Variants in MDN1 observed in about 807,000 individuals in gnomAD.
MDN1 encodes the protein midasin AAA ATPase 1.
In MDN1, 266 loss-of-function variants were observed where a neutral mutation model predicts 669.2. The ratio of observed to expected loss-of-function variants is 0.40; its 90% CI spans 0.36 to 0.44. The LOEUF is 0.44. MDN1 is among the 20% of genes least tolerant of loss of function. The pLI, the probability that MDN1 is intolerant of heterozygous loss-of-function variation, is 1.00. For missense variants in MDN1, 5,940 were observed against 6,754.0 expected (o/e 0.88, Z 4.22); for synonymous variants, 2,385 against 2,457.1 (o/e 0.97, Z 0.87).
In MDN1 at chr6:89,695,211, G is replaced by A. The variant is rs183016289; in HGVS notation, c.9771+394C>T. On this transcript the variant is annotated intron_variant, in intron 61 of 101. Transcript: ENST00000369393. This position sits in a 1 kb window ranked among gnomAD's most constrained non-coding sequence, Gnocchi z 4.1. ...TGTGCCACTGCACTCCTGCCTGGACGAGAAAGCAAGGCTCCATCTCAAAAA... is the reference window on the plus strand; with the variant it reads ...TGTGCCACTGCACTCCTGCCTGGACAAGAAAGCAAGGCTCCATCTCAAAAA... Among the ~76,000 whole-genome samples the A allele has an allele frequency of 3.8e-3, 576 of 152,268 alleles. 4 individuals are homozygous for A. Among genetic ancestry groups the A allele is most frequent in the Non-Finnish European group, 6.1e-3 (414 of 68,022 alleles).
At chr6:89,800,753 T>G (rs1262873257) in intron 2 of MDN1, among the ~76,000 whole-genome samples, 4 of 152,078 alleles carry the variant, frequency 2.6e-5, no homozygotes, top group Non-Finnish European at 4.4e-5. Flanking sequence ...AACCTAGACT[T>G]GAGATTGGTG....
intron 83 of MDN1, among the ~76,000 whole-genome samples, chr6:89,668,783 G>A (rs1304465115): frequency 2.0e-5 from 3 of 152,146 alleles, no homozygotes; most frequent in Admixed American, 6.5e-5. Flanking sequence ...AGCTTCCTGC[G>A]GATCAAGAGC....
chr6:89,649,913 A>G (rs1051393584), intron 97 of MDN1, 111 bp downstream of exon 97: 33 of 1,108,126 alleles, frequency 3.0e-5, no homozygotes, highest in Non-Finnish European at 3.1e-5. Context: ...TGTTTTAGCC[A>G]TATCATATTT....
chr6:89,687,301 C>A, intron 68 of MDN1, 43 bp downstream of exon 68: 1 of 1,541,042 alleles, frequency 6.5e-7, no homozygotes, highest in Middle Eastern at 1.7e-4. Context: ...AAGACAAAAG[C>A]CCTTACAACC....
intron 71 of MDN1, among the ~76,000 whole-genome samples, 162 bp from the exon 72 acceptor site, chr6:89,684,066 A>G (rs934369730): frequency 1.2e-4 from 18 of 152,290 alleles, no homozygotes; most frequent in East Asian, 7.7e-4. Flanking sequence ...ACCATGGGCT[A>G]GGCGCGGTGG....
At chr6:89,814,624 C>T (rs971502339) in intron 1 of MDN1, 1 of 185,304 alleles carries the variant, frequency 5.4e-6, no homozygotes, top group Admixed American at 5.8e-5. Flanking sequence ...GCTTCAGGCA[C>T]ATGTTGGGGG....
At chr6:89,704,655 C>T (rs1303248833) in intron 53 of MDN1, among the ~76,000 whole-genome samples, 6 of 152,154 alleles carry the variant, frequency 3.9e-5, no homozygotes, top group African/African-American at 9.7e-5. Flanking sequence ...GGCACGATCT[C>T]GACTCACTGC....
intron 27 of MDN1, among the ~76,000 whole-genome samples, chr6:89,746,651 A>AAAGAAAGAAAG (rs1816652015): frequency 6.8e-6 from 1 of 148,134 alleles, no homozygotes; most frequent in Non-Finnish European, 1.5e-5. Context: ...AAGAAAGAAA[A>AAAGAAAGAAAG]AAAGTTTTTA....
intron 88 of MDN1, among the ~76,000 whole-genome samples, chr6:89,660,208 CAG>C (rs1809631346): frequency 6.6e-6 from 1 of 152,090 alleles, no homozygotes; most frequent in Non-Finnish European, 1.5e-5. Flanking sequence ...TTTTTAGAGA[CAG>C]AGTCTCGTTC....
intron 99 of MDN1, 62 bp downstream of exon 99, chr6:89,647,970 C>T: frequency 7.9e-7 from 1 of 1,262,384 alleles, no homozygotes; most frequent in Non-Finnish European, 1.2e-6. Context: ...AAAATGTTCT[C>T]CCTCCAACCT....
chr6:89,697,062 T>C (rs951801386), intron 59 of MDN1, among the ~76,000 whole-genome samples: 6 of 152,192 alleles, frequency 3.9e-5, no homozygotes, highest in Non-Finnish European at 8.8e-5. Flanking sequence ...CCCTCAGGGA[T>C]CCAAAGTTTA....
chr6:89,677,476 T>C lies in MDN1; in HGVS notation c.12539+94A>G. 2.0e-6 allele frequency: 3 copies of C among 1,490,620 alleles called. No homozygotes were observed. The South Asian group carries it at 3.7e-5, about 18-fold the overall frequency. The allele number at this position is 1,490,620 out of a possible 1,614,324, so 92.3% of individuals were successfully genotyped here. On this transcript the variant is annotated intron_variant, in intron 76 of 101. Coordinates refer to ENST00000369393, the MANE Select transcript of MDN1 (RefSeq NM_014611.3). Reference sequence around the variant, plus strand: ...AGTGGTAGCCACAGTGGTATTGCTATCCCTATTTTTGCAATGTGCAAATGA... The same window carrying C: ...AGTGGTAGCCACAGTGGTATTGCTACCCCTATTTTTGCAATGTGCAAATGA...
At chr6:89,733,689 C>T (rs2128315548) in intron 33 of MDN1, among the ~76,000 whole-genome samples, 1 of 149,032 alleles carries the variant, frequency 6.7e-6, no homozygotes, top group Middle Eastern at 3.6e-3. Context: ...GGGGAAATTC[C>T]AGTAACAATG....
At chr6:89,800,219 G>A (rs1219789196) in intron 2 of MDN1, among the ~76,000 whole-genome samples, 1 of 152,116 alleles carries the variant, frequency 6.6e-6, no homozygotes, top group Non-Finnish European at 1.5e-5. Context: ...CCTGAGATCG[G>A]GAGTTCGAGA....
intron 35 of MDN1, among the ~76,000 whole-genome samples, chr6:89,729,777 G>T (rs987314029): frequency 7.1e-6 from 1 of 141,368 alleles, no homozygotes; most frequent in African/African-American, 2.6e-5. Context: ...GACCACCCCA[G>T]TTCTAGGCCA....
At chr6:89,658,134 C>T (rs1809455979) in intron 90 of MDN1, 75 bp downstream of exon 90, 2 of 1,561,748 alleles carry the variant, frequency 1.3e-6, no homozygotes, top group Admixed American at 1.7e-5. Context: ...TAATGCTACA[C>T]AGAATGTGAT....
At position 89,644,177 on chromosome 6, in the gene MDN1, A is replaced by C; in HGVS notation, c.16619T>G (p.Ile5540Ser). Reference protein sequence around the residue: ...NPSSRDSILDIKVPIFKGPGE... With the variant: ...NPSSRDSILDSKVPIFKGPGE... Reference sequence around the variant, plus strand: ...AGGTCCTTTAAATATCGGTACTTTAATGTCCAAGATAGAATCCTGTCAACA... The same window carrying C: ...AGGTCCTTTAAATATCGGTACTTTACTGTCCAAGATAGAATCCTGTCAACA... Residue 5540 changes from isoleucine to serine, a missense_variant, in exon 102 of 102, where the codon ATT becomes AGT. Ile to Ser is a moderately radical substitution (Grantham distance 142, BLOSUM62 -2). Transcript: ENST00000369393. 1.9e-6 allele frequency: 3 copies of C among 1,611,348 alleles called. No homozygotes were observed. The South Asian group carries it at 3.3e-5, about 18-fold the overall frequency.
intron 33 of MDN1, among the ~76,000 whole-genome samples, chr6:89,734,691 A>AAGAGAGAGAGAGAGAGAGAGAGAGAG (rs1554188772): frequency 1.8e-5 from 2 of 112,996 alleles, no homozygotes; most frequent in East Asian, 3.4e-4. Context: ...AAAAAAAAAC[A>AAGAGAGAGAGAGAGAGAGAGAGAGAG]AGAGAGAGAG....
chr6:89,656,399 G>A (rs990639091), intron 91 of MDN1, among the ~76,000 whole-genome samples: 1 of 152,086 alleles, frequency 6.6e-6, no homozygotes, highest in African/African-American at 2.4e-5. Flanking sequence ...AAAGCCTATG[G>A]ACAATGAAAA....
Sources: allele counts gnomAD v4.1 joint callset (sites outside exome capture counted in the v4.1 genomes callset), GRCh38; gene constraint gnomAD v4.1.1; non-coding constraint Gnocchi (gnomAD v3.1); transcripts MANE v1.5; gene names NCBI Gene and HGNC (gene_info 2026-07-23, HGNC 2026-07-21).